LAMA1: variants seen among roughly 807,000 people sequenced by gnomAD.
The protein encoded by LAMA1 is laminin subunit alpha-1.
LAMA1 carries 219 observed loss-of-function variants against 348.7 expected under a neutral mutation model. That is an observed-to-expected ratio of 0.63 (90% confidence interval 0.56 to 0.70). LAMA1 has a LOEUF of 0.70. Ranked by LOEUF, LAMA1 falls within the 30% of genes least tolerant of loss-of-function variation. The pLI is 0.00. For missense variants in LAMA1, 3,744 were observed against 3,888.0 expected, an observed-to-expected ratio of 0.96 and a Z score of 0.99; for synonymous variants, 1,487 against 1,491.0, an observed-to-expected ratio of 1.00 and a Z score of 0.06.
At chr18:7,116,722 G>A (rs1042214937) in intron 1 of LAMA1, among the ~76,000 whole-genome samples, 8 of 152,236 alleles carry the variant, frequency 5.3e-5, no homozygotes, top group African/African-American at 1.7e-4. Context: ...TGCGAAGACA[G>A]CTCTAGGGGT....
Position 6,977,857 on chromosome 18 carries a change from T to C in LAMA1, c.6215A>G (p.Lys2072Arg). 4 of 1,613,256 alleles carry C rather than the reference T, an allele frequency of 2.5e-6. No homozygotes were observed. The highest frequency in any genetic ancestry group is 3.4e-6 in the Non-Finnish European group (4 of 1,180,022). The change falls in exon 44 of 63, where the codon AAA (lysine) becomes AGA (arginine). Residue 2072 changes from lysine to arginine, a missense_variant. Around this residue, in one of 3 missense-constraint regions of LAMA1, gnomAD observed 1,983 missense variants for 1,934.3 expected, o/e 1.03. Coordinates refer to ENST00000389658, the MANE Select transcript of LAMA1 (RefSeq NM_005559.4). Reference sequence around the variant, plus strand: ...AAGGTTGGCTTGAATTTCCACGTCTTTGACTTTTCTTCCAGCCAACAGAGC... The same window carrying C: ...AAGGTTGGCTTGAATTTCCACGTCTCTGACTTTTCTTCCAGCCAACAGAGC... ...MATLLAGRKV[K>R]DVEIQANLLF...
chr18:7,090,491 C>T (rs2058235445), intron 1 of LAMA1, among the ~76,000 whole-genome samples: 1 of 152,082 alleles, frequency 6.6e-6, no homozygotes, highest in Non-Finnish European at 1.5e-5. Context: ...GAATAACCCC[C>T]TCCTTCAAAA....
intron 19 of LAMA1, among the ~76,000 whole-genome samples, chr18:7,020,335 G>T (rs2057909822): frequency 6.6e-6 from 1 of 152,158 alleles, no homozygotes; most frequent in Non-Finnish European, 1.5e-5. Context: ...GTTATGGGGG[G>T]TGAGGGGAAA....
intron 21 of LAMA1, 37 bp from the exon 22 acceptor site, chr18:7,015,895 T>C: frequency 6.2e-7 from 1 of 1,613,248 alleles, no homozygotes; most frequent in South Asian, 1.1e-5. Flanking sequence ...CAGATCTGGG[T>C]GATGTCATTA....
At position 7,016,512 on chromosome 18, in the gene LAMA1, A is replaced by G; in HGVS notation, c.2968T>C (p.Tyr990His). 1 of 1,614,254 alleles carries G rather than the reference A, an allele frequency of 6.2e-7. No homozygotes were observed. The highest frequency in any genetic ancestry group is 8.5e-7 in the Non-Finnish European group (1 of 1,180,050). Reference sequence around the variant, plus strand: ...TTACGTGTACAGCTACCATCCTGGTAGGCGTAGAAGCCATGGGCACACCTG... The same window carrying G: ...TTACGTGTACAGCTACCATCCTGGTGGGCGTAGAAGCCATGGGCACACCTG... ...CDRCAHGFYA[Y>H]QDGSCTPCDC... Residue 990 changes from tyrosine to histidine, a missense_variant, in exon 21 of 63, where the codon TAC becomes CAC. Physicochemically the swap from Tyr to His is moderately conservative, Grantham distance 83. Coordinates refer to ENST00000389658, the MANE Select transcript of LAMA1 (RefSeq NM_005559.4).
At chr18:6,996,498 C>T (rs937285330) in intron 33 of LAMA1, among the ~76,000 whole-genome samples, 1 of 151,998 alleles carries the variant, frequency 6.6e-6, no homozygotes, top group African/African-American at 2.4e-5. Context: ...GTAGGTCGGG[C>T]GTGGTAGCTC....
Position 6,997,574 on chromosome 18 carries a change from C to G in LAMA1, c.4806+168G>C, listed in dbSNP as rs550370129. ...GCGTGTGAGATAAGTAAGTAAGTGC[C>G]TGTCACTGGTCACAGTCAAGGAAAG... On this transcript the variant is annotated intron_variant, in intron 33 of 62. Coordinates refer to ENST00000389658, the MANE Select transcript of LAMA1 (RefSeq NM_005559.4). 6.6e-5 allele frequency among the ~76,000 whole-genome samples: 10 copies of G among 152,248 alleles called. No individual in the cohort carries two copies. In the South Asian group the frequency reaches 1.9e-3, roughly 28 times the overall value.
At chr18:7,046,216 A>C in intron 6 of LAMA1, 62 bp downstream of exon 6, 1 of 1,078,672 alleles carries the variant, frequency 9.3e-7, no homozygotes, top group Non-Finnish European at 1.4e-6. Context: ...AGAGTAATGC[A>C]AATATTATAG....
intron 1 of LAMA1, among the ~76,000 whole-genome samples, chr18:7,098,060 A>G (rs1008946873): frequency 1.5e-4 from 22 of 150,630 alleles, no homozygotes; most frequent in Middle Eastern, 3.4e-3. Context: ...TGTGTTGGCC[A>G]GGCCGGTCTC....
chr18:7,035,570 G>A (rs779488807), intron 13 of LAMA1, among the ~76,000 whole-genome samples: 7 of 151,928 alleles, frequency 4.6e-5, no homozygotes, highest in East Asian at 1.9e-4. Flanking sequence ...TTACAGGCAC[G>A]TGCCACGGTG....
At position 7,012,110 on chromosome 18, in the gene LAMA1, T is replaced by A. The variant is rs564187115; in HGVS notation, c.3392A>T (p.Glu1131Val). 6.2e-7 allele frequency: 1 copy of A among 1,613,962 alleles called. No individual in the cohort carries two copies. The stretch of plus-strand genomic sequence containing the variant: ...GAGAGCGAAGGTGCCCTCTCGACAT[T>A]CGTTGCACTGAGGACCAAAGACATT... ...KENVFGPQCNECREGTFALRA... is the reference protein window; with the variant it reads ...KENVFGPQCNVCREGTFALRA... The change falls in exon 24 of 63, where the codon GAA (glutamate) becomes GTA (valine). Residue 1131 changes from glutamate to valine, a missense_variant. Glu to Val is a moderately radical substitution (Grantham distance 121, BLOSUM62 -2). Coordinates refer to ENST00000389658, the MANE Select transcript of LAMA1 (RefSeq NM_005559.4).
At chr18:6,968,227 C>T (rs1051281582) in intron 48 of LAMA1, among the ~76,000 whole-genome samples, 5 of 152,178 alleles carry the variant, frequency 3.3e-5, no homozygotes, top group African/African-American at 4.8e-5. Flanking sequence ...ATTAGGAGAG[C>T]GTCCGCCCTC....
intron 5 of LAMA1, 70 bp from the exon 6 acceptor site, chr18:7,046,437 C>T: frequency 1.2e-6 from 1 of 843,686 alleles, no homozygotes; most frequent in Non-Finnish European, 2.0e-6. Context: ...GTTGGCACAC[C>T]AACAAATATC....
intron 55 of LAMA1, chr18:6,957,022 C>A (rs2057582273): frequency 2.2e-6 from 1 of 454,576 alleles, no homozygotes; most frequent in African/African-American, 2.0e-5. Context: ...TTCCTGAGCA[C>A]CCCCCAGGTC....
At chr18:7,079,102 C>T (rs1030441201) in intron 3 of LAMA1, among the ~76,000 whole-genome samples, 2 of 152,202 alleles carry the variant, frequency 1.3e-5, no homozygotes, top group Non-Finnish European at 1.5e-5. Flanking sequence ...TTAAATCCTA[C>T]AATGCACATC....
intron 53 of LAMA1, chr18:6,959,971 T>G (rs1030978456): frequency 4.2e-6 from 1 of 239,762 alleles, no homozygotes; most frequent in African/African-American, 2.3e-5. Flanking sequence ...AAAGAGGTAG[T>G]TTATACACTA....
chr18:7,033,110 ATTG>A lies in LAMA1; in HGVS notation c.2052-18_2052-16del, dbSNP rs559173743. On this transcript the variant is annotated splice_polypyrimidine_tract_variant and intron_variant, in intron 14 of 62. Transcript: ENST00000389658. ...CGGACTCCAACCTACAAATAGACAGATTGTTATGTGACTCACACGCTCGCAAAT... is the reference window on the plus strand; with the variant it reads ...CGGACTCCAACCTACAAATAGACAGATTATGTGACTCACACGCTCGCAAAT... 1,327 of 1,553,330 alleles carry A rather than the reference ATTG, an allele frequency of 8.5e-4. 13 individuals are homozygous for A. In the South Asian group the frequency reaches 0.014, roughly 17 times the overall value.
intron 3 of LAMA1, among the ~76,000 whole-genome samples, chr18:7,076,257 A>G (rs1418224543): frequency 1.3e-5 from 2 of 152,202 alleles, no homozygotes; most frequent in African/African-American, 2.4e-5. Flanking sequence ...TATGGGACAG[A>G]AAAAAGGAAG....
At chr18:7,019,718 G>A (rs369734588) in intron 19 of LAMA1, among the ~76,000 whole-genome samples, 10 of 120,038 alleles carry the variant, frequency 8.3e-5, no homozygotes, top group East Asian at 7.4e-4. Context: ...GTCTCACTCC[G>A]TCACCCAGGC....
Sources: gnomAD v4.1 joint callset for allele counts (sites outside exome capture counted in the v4.1 genomes callset) on GRCh38, gnomAD v4.1.1 for gene constraint, gnomAD v4.1.1 regional missense constraint, MANE v1.5 for transcripts, NCBI Gene and HGNC (gene_info 2026-07-23, HGNC 2026-07-21) for gene names.